CRISPLD1: variants seen among roughly 807,000 people sequenced by gnomAD.
CRISPLD1 encodes the protein cysteine-rich secretory protein LCCL domain-containing 1.
CRISPLD1 carries 60 observed loss-of-function variants against 77.5 expected under a neutral mutation model. The observed-to-expected ratio is 0.77, with a 90% confidence interval of 0.63 to 0.96. The LOEUF (loss-of-function observed/expected upper bound fraction) is 0.96. Among genes scored for constraint, CRISPLD1 ranks in the 40% least tolerant of loss-of-function variants. The pLI is 0.00. For synonymous variants in CRISPLD1, 195 were observed against 200.1 expected (o/e 0.97, Z 0.22); for missense variants, 623 against 615.8 (o/e 1.01, Z -0.12).
At chr8:74,985,901 T>A in intron 1 of CRISPLD1, 25 bp from the exon 2 acceptor site, 1 of 1,418,432 alleles carries the variant, frequency 7.1e-7, no homozygotes, top group Non-Finnish European at 9.5e-7. Context: ...AATTTTCATC[T>A]TAATCACATG....
chr8:75,012,025 G>C (rs1034432282), intron 2 of CRISPLD1, among the ~76,000 whole-genome samples: 10 of 152,076 alleles, frequency 6.6e-5, no homozygotes, highest in African/African-American at 2.4e-4. Context: ...GGACTTGTCT[G>C]ACAAATAACT....
intron 13 of CRISPLD1, among the ~76,000 whole-genome samples, chr8:75,028,440 G>A (rs1276423627): frequency 6.6e-6 from 1 of 152,060 alleles, no homozygotes; most frequent in Non-Finnish European, 1.5e-5. Flanking sequence ...AAGACCCATG[G>A]GCATTTGACA....
At chr8:75,008,291 A>T (rs1812869907) in intron 2 of CRISPLD1, among the ~76,000 whole-genome samples, 1 of 152,148 alleles carries the variant, frequency 6.6e-6, no homozygotes, top group Admixed American at 6.6e-5. Context: ...TTGTCTTTAA[A>T]TTAGTGCTGG....
rs1056010214 is a variant in CRISPLD1 at position 74,985,916 on chromosome 8, G to A, written c.-62-10G>A. The stretch of plus-strand genomic sequence containing the variant: ...AATTTTCATCTTAATCACATGACAT[G>A]TCGTTATAGCCAAAAGGAGTGGAAG... On this transcript the variant is annotated splice_polypyrimidine_tract_variant and intron_variant, in intron 1 of 14. Coordinates refer to ENST00000262207, the MANE Select transcript of CRISPLD1 (RefSeq NM_031461.6). 3.4e-6 allele frequency: 5 copies of A among 1,491,992 alleles called. No homozygotes were observed. In the African/African-American group the frequency reaches 5.6e-5, roughly 17 times the overall value. 92.4% of individuals were successfully genotyped at this position (1,491,992 alleles called of 1,614,324 possible).
rs375035738 is a variant in CRISPLD1, at chr8:74,985,836, A to C, written c.-62-90A>C. The C allele has an allele frequency of 1.7e-5, 14 of 835,166 alleles. No individual in the cohort carries two copies. In the African/African-American group the frequency reaches 1.7e-4, roughly 10 times the overall value. 51.7% of individuals were successfully genotyped at this position (835,166 alleles called of 1,614,324 possible). ...TTAAATAGACAAATCAAACTGGCAC[A>C]CTTCCTTTGTAACTGTTGTTTTGCT... On this transcript the variant is annotated intron_variant, in intron 1 of 14. Coordinates refer to ENST00000262207, the MANE Select transcript of CRISPLD1 (RefSeq NM_031461.6).
intron 13 of CRISPLD1, among the ~76,000 whole-genome samples, chr8:75,025,827 T>G (rs1209098464): frequency 6.6e-6 from 1 of 152,214 alleles, no homozygotes; most frequent in Non-Finnish European, 1.5e-5. Flanking sequence ...GACAAAATTT[T>G]TCTTCACTTT....
intron 10 of CRISPLD1, among the ~76,000 whole-genome samples, chr8:75,018,782 G>A (rs1405914733): frequency 2.7e-5 from 4 of 149,450 alleles, no homozygotes; most frequent in Non-Finnish European, 5.9e-5. Flanking sequence ...AGTAGAGATG[G>A]GGTTTCATCA....
At position 75,033,598 on chromosome 8, in the gene CRISPLD1, A is replaced by T. The variant is rs2128790411; in HGVS notation, c.*1356A>T. 6.6e-6 allele frequency: 1 copy of T among 152,160 alleles called. No homozygotes were observed. The highest frequency in any genetic ancestry group is 1.5e-5 in the Non-Finnish European group (1 of 67,888). The allele number at this position is 152,160 out of a possible 1,614,324, so 9.4% of individuals were successfully genotyped here. ...TTATAAAAGAATTGACAGGACAATA[A>T]ATACTTCAAATACTTTTAGGAAGTA... On this transcript the variant is annotated 3_prime_UTR_variant, in exon 15 of 15. Coordinates refer to ENST00000262207, the MANE Select transcript of CRISPLD1 (RefSeq NM_031461.6).
chr8:75,011,925 C>G (rs1193338312), intron 2 of CRISPLD1, among the ~76,000 whole-genome samples: 2 of 151,918 alleles, frequency 1.3e-5, no homozygotes, highest in Non-Finnish European at 2.9e-5. Flanking sequence ...CCTTAGGAGT[C>G]CTAAAGGGAT....
chr8:75,004,340 G>C (rs1812793427), intron 2 of CRISPLD1, among the ~76,000 whole-genome samples: 2 of 152,172 alleles, frequency 1.3e-5, no homozygotes, highest in Admixed American at 1.3e-4. Context: ...CAATACAGCT[G>C]CTTGCCATAG....
intron 2 of CRISPLD1, among the ~76,000 whole-genome samples, chr8:74,989,377 G>A (rs748262509): frequency 6.6e-6 from 1 of 152,214 alleles, no homozygotes; most frequent in African/African-American, 2.4e-5. Context: ...GTAGATTTTG[G>A]AGGAAAAAAT....
At position 74,991,367 on chromosome 8, in the gene CRISPLD1, A is replaced by T. The variant is rs112806104; in HGVS notation, c.258+5122A>T. Among the ~76,000 whole-genome samples the T allele has an allele frequency of 1.8e-3, 268 of 152,006 alleles. 2 individuals are homozygous for T. The highest frequency in any genetic ancestry group is 6.0e-3 in the African/African-American group (248 of 41,452). ...TAAAGGTGACTTTTCCCTCAAACCA[A>T]TCTGCGCTGGTTGCTTAGTTGCACA... is the stretch of plus-strand genomic sequence containing the variant. On this transcript the variant is annotated intron_variant, in intron 2 of 14. Transcript: ENST00000262207.
At chr8:75,020,849 A>G (rs1278175099) in intron 12 of CRISPLD1, among the ~76,000 whole-genome samples, 2 of 152,180 alleles carry the variant, frequency 1.3e-5, no homozygotes, top group Non-Finnish European at 2.9e-5. Flanking sequence ...GTTTCTTAAT[A>G]TTCTCTTTTA....
intron 12 of CRISPLD1, 91 bp from the exon 13 acceptor site, chr8:75,025,455 A>G (rs1048688732): frequency 9.9e-6 from 4 of 402,334 alleles, no homozygotes; most frequent in Admixed American, 4.3e-5. Context: ...TGTTGAGCTT[A>G]CTTTGTGTAT....
At chr8:75,024,006 G>A (rs902372513) in intron 12 of CRISPLD1, among the ~76,000 whole-genome samples, 24 of 152,296 alleles carry the variant, frequency 1.6e-4, no homozygotes, top group African/African-American at 4.6e-4. Context: ...TCTTTGAAGT[G>A]AGCTAAGCCA....
intron 8 of CRISPLD1, 43 bp from the exon 9 acceptor site, chr8:75,017,004 C>T (rs372735125): frequency 1.7e-5 from 27 of 1,577,328 alleles, no homozygotes; most frequent in African/African-American, 2.7e-5. Flanking sequence ...TTTGTACTGA[C>T]ATTCAGAGAA....
intron 2 of CRISPLD1, among the ~76,000 whole-genome samples, chr8:75,000,625 G>T: frequency 6.6e-6 from 1 of 151,858 alleles, no homozygotes; most frequent in East Asian, 1.9e-4. Flanking sequence ...ACCTGCTTTT[G>T]TCTAAACCCT....
intron 2 of CRISPLD1, among the ~76,000 whole-genome samples, chr8:75,011,245 A>G (rs1044383973): frequency 2.7e-5 from 4 of 150,780 alleles, no homozygotes; most frequent in African/African-American, 7.3e-5. Context: ...ATTTAGCATT[A>G]GGTATATCTC....
intron 2 of CRISPLD1, among the ~76,000 whole-genome samples, chr8:75,005,423 A>G (rs944911330): frequency 6.6e-6 from 1 of 152,124 alleles, no homozygotes; most frequent in African/African-American, 2.4e-5. Context: ...TAAATGGGAA[A>G]GAGAACTCTT....
Sources: gnomAD v4.1 joint callset for allele counts (sites outside exome capture counted in the v4.1 genomes callset) on GRCh38, gnomAD v4.1.1 for gene constraint, MANE v1.5 for transcripts, NCBI Gene and HGNC (gene_info 2026-07-23, HGNC 2026-07-21) for gene names.